The following KCNMB2 variants were observed in gnomAD, a reference collection of about 807,000 sequenced individuals.
KCNMB2 encodes the protein calcium-activated potassium channel subunit beta-2.
KCNMB2 carries 9 observed loss-of-function variants against 24.5 expected under a neutral mutation model. The ratio of observed to expected loss-of-function variants is 0.37; its 90% CI spans 0.22 to 0.64. The LOEUF (loss-of-function observed/expected upper bound fraction) is 0.64. Ranked by LOEUF, KCNMB2 falls within the 30% of genes least tolerant of loss-of-function variation. KCNMB2 has a pLI of 0.63. For missense variants in KCNMB2, 226 were observed against 284.3 expected (o/e 0.79, Z 1.47); for synonymous variants, 109 against 104.4 (o/e 1.04, Z -0.27).
Position 178,642,508 on chromosome 3 carries a change from A to C in KCNMB2, c.-68+105797A>C, listed in dbSNP as rs1719763158. ...ATACTAAGCACAACAGTATGTATGAAGCTACCTTTTATAATTTTCAAGTGC... is the reference window on the plus strand; with the variant it reads ...ATACTAAGCACAACAGTATGTATGACGCTACCTTTTATAATTTTCAAGTGC... On this transcript the variant is annotated intron_variant, in intron 1 of 4. Transcript: ENST00000452583. Among the ~76,000 whole-genome samples, 3 of 152,214 alleles carry C rather than the reference A, an allele frequency of 2.0e-5. No individual in the cohort carries two copies. The South Asian group carries it at 6.2e-4, about 31-fold the overall frequency.
chr3:178,751,160 G>A (rs28403038), intron 1 of KCNMB2, among the ~76,000 whole-genome samples: 23,171 of 152,120 alleles, frequency 0.15, 1,965 homozygotes, highest in Admixed American at 0.19. Context: ...TTGATGTTAT[G>A]TTTCAGGCAT....
Position 178,843,923 on chromosome 3 carries a change from T to C in KCNMB2, c.*986T>C, listed in dbSNP as rs141289004. 3 of 152,346 alleles carry C rather than the reference T, an allele frequency of 2.0e-5. No individual in the cohort carries two copies. The highest frequency in any genetic ancestry group is 4.4e-5 in the Non-Finnish European group (3 of 67,990). 9.4% of individuals were successfully genotyped at this position (152,346 alleles called of 1,614,324 possible). A position where few individuals can be genotyped will look rare whatever the true frequency, so the allele number is the denominator to read the frequency against. On this transcript the variant is annotated 3_prime_UTR_variant, in exon 5 of 5. Transcript: ENST00000452583. ...GTGTAGTATCTCCTTCTGACAAGCA[T>C]TCCCTATTGGGATTTTAAAGCTATG...
chr3:178,726,020 T>C (rs935297341), intron 1 of KCNMB2, among the ~76,000 whole-genome samples: 19 of 151,848 alleles, frequency 1.3e-4, no homozygotes, highest in African/African-American at 4.6e-4. Flanking sequence ...TTCCTTGACT[T>C]TTTTGGATAA....
At chr3:178,618,026 CTT>C (rs1718778564) in intron 1 of KCNMB2, among the ~76,000 whole-genome samples, 3 of 151,088 alleles carry the variant, frequency 2.0e-5, no homozygotes, top group South Asian at 2.1e-4. Context: ...TTTTAATAAA[CTT>C]AGAATCATTT....
intron 1 of KCNMB2, among the ~76,000 whole-genome samples, chr3:178,591,565 G>T (rs778841820): frequency 6.6e-6 from 1 of 152,134 alleles, no homozygotes; most frequent in Non-Finnish European, 1.5e-5. Flanking sequence ...TTGAAGAAGG[G>T]GGTACTCAGC....
intron 2 of KCNMB2, among the ~76,000 whole-genome samples, chr3:178,824,265 T>G (rs7374878): frequency 0.66 from 100,631 of 152,114 alleles, 35,619 homozygotes; most frequent in African/African-American, 0.92. Flanking sequence ...AAATTCTCTG[T>G]AGAATAGTAG....
chr3:178,659,348 CTT>C (rs1720447932), intron 1 of KCNMB2, among the ~76,000 whole-genome samples: 2 of 152,202 alleles, frequency 1.3e-5, no homozygotes, highest in South Asian at 4.1e-4. Flanking sequence ...CATATTTAAA[CTT>C]TTGTATTAAT....
At chr3:178,739,135 T>C (rs1374399923) in intron 1 of KCNMB2, among the ~76,000 whole-genome samples, 2 of 146,452 alleles carry the variant, frequency 1.4e-5, no homozygotes, top group Non-Finnish European at 3.0e-5. Flanking sequence ...CAGCAGGAGG[T>C]AGAAAGAGCA....
intron 1 of KCNMB2, among the ~76,000 whole-genome samples, chr3:178,705,106 C>T (rs562636699): frequency 1.8e-4 from 27 of 152,198 alleles, no homozygotes; most frequent in Admixed American, 6.5e-4. Context: ...AGATCTCATG[C>T]TCCCAACCCC....
intron 1 of KCNMB2, among the ~76,000 whole-genome samples, chr3:178,797,828 T>A (rs1440200874): frequency 6.6e-6 from 1 of 152,242 alleles, no homozygotes; most frequent in Non-Finnish European, 1.5e-5. Flanking sequence ...TGGTTTGTAG[T>A]TCTCCTCGAA....
chr3:178,576,012 A>G (rs1716975091), intron 1 of KCNMB2, among the ~76,000 whole-genome samples: 1 of 152,004 alleles, frequency 6.6e-6, no homozygotes, highest in Non-Finnish European at 1.5e-5. Context: ...CCTTTCCTAT[A>G]TCACTCTAAG....
chr3:178,654,893 TATCTC>T (rs1720266187), intron 1 of KCNMB2, among the ~76,000 whole-genome samples: 1 of 152,224 alleles, frequency 6.6e-6, no homozygotes, highest in African/African-American at 2.4e-5. Flanking sequence ...TTTGCTGTGT[TATCTC>T]AGGCTGTCTA....
chr3:178,722,855 T>C (rs1722853363), intron 1 of KCNMB2, among the ~76,000 whole-genome samples: 1 of 152,184 alleles, frequency 6.6e-6, no homozygotes, highest in Admixed American at 6.5e-5. Context: ...ATTGCACCAC[T>C]GCATTCCAAC....
chr3:178,539,371 C>A (rs1442188454), intron 1 of KCNMB2, among the ~76,000 whole-genome samples: 1 of 152,210 alleles, frequency 6.6e-6, no homozygotes, highest in East Asian at 1.9e-4. Context: ...GCAGTTATCT[C>A]AGTGAGGCGG....
intron 1 of KCNMB2, among the ~76,000 whole-genome samples, chr3:178,654,329 G>C (rs1240608621): frequency 6.6e-6 from 1 of 152,012 alleles, no homozygotes; most frequent in Admixed American, 6.6e-5. Context: ...TTAAACTGAA[G>C]GGTAGTAAAA....
intron 1 of KCNMB2, among the ~76,000 whole-genome samples, chr3:178,703,452 T>G (rs1168152757): frequency 6.6e-6 from 1 of 152,254 alleles, no homozygotes; most frequent in South Asian, 2.1e-4. Context: ...GGCCTCCTGC[T>G]GGTCATTTCA....
chr3:178,759,154 C>CTCCAAGAGGGATATATATATATATATATA lies in KCNMB2; in HGVS notation c.-67-48188_-67-48187insCCAAGAGGGATATATATATATATATATAT, dbSNP rs1560008658. ...CTCCAAGAGGGATATATATATATATCTATCTCCAAGAGGGATACATATATA... is the reference window on the plus strand; with the variant it reads ...CTCCAAGAGGGATATATATATATATCTCCAAGAGGGATATATATATATATATATATATCTCCAAGAGGGATACATATATA... On this transcript the variant is annotated intron_variant, in intron 1 of 4. Coordinates refer to ENST00000452583, the MANE Select transcript of KCNMB2 (RefSeq NM_181361.3). Among the ~76,000 whole-genome samples, 3 of 32,306 alleles carry CTCCAAGAGGGATATATATATATATATATA rather than the reference C, an allele frequency of 9.3e-5. 1 individual carries two copies. The highest frequency in any genetic ancestry group is 1.9e-4 in the African/African-American group (1 of 5,204). The allele number at this position is 32,306 out of a possible 152,430, so 21.2% of individuals were successfully genotyped here.
intron 1 of KCNMB2, among the ~76,000 whole-genome samples, chr3:178,666,464 T>C (rs1353385581): frequency 3.9e-5 from 6 of 152,084 alleles, no homozygotes; most frequent in Non-Finnish European, 7.4e-5. Flanking sequence ...CTACCAAAAA[T>C]TGTAGCTATT....
At chr3:178,644,425 A>G (rs1323689267) in intron 1 of KCNMB2, among the ~76,000 whole-genome samples, 2 of 152,176 alleles carry the variant, frequency 1.3e-5, no homozygotes, top group Non-Finnish European at 2.9e-5. Context: ...TGTGATAAGT[A>G]TCATAGCCAG....
Sources: gnomAD v4.1 joint callset for allele counts (sites outside exome capture counted in the v4.1 genomes callset) on GRCh38, gnomAD v4.1.1 for gene constraint, MANE v1.5 for transcripts, NCBI Gene and HGNC (gene_info 2026-07-23, HGNC 2026-07-21) for gene names.